BPTF: variants seen among roughly 807,000 people sequenced by gnomAD.
BPTF encodes bromodomain PHD finger transcription factor.
Under a neutral mutation model 292.5 loss-of-function variants are expected in BPTF, and 18 were observed. The observed-to-expected ratio is 0.06, with a 90% CI of 0.04 to 0.09. The LOEUF (loss-of-function observed/expected upper bound fraction) is 0.09, where lower values mean the gene tolerates loss of function less well. Ranked by LOEUF, BPTF falls within the 10% of genes least tolerant of loss-of-function variation. The pLI is 1.00. For missense variants in BPTF, 2,726 were observed against 3,498.7 expected (o/e 0.78, Z 5.57); for synonymous variants, 1,225 against 1,251.9 (o/e 0.98, Z 0.45).
chr17:67,898,426 A>G (rs6504550), intron 7 of BPTF, among the ~76,000 whole-genome samples: 60,259 of 152,044 alleles, frequency 0.4, 13,938 homozygotes, highest in East Asian at 0.71. Context: ...AAGGTATTTT[A>G]TCTAAGTTCA....
At position 67,926,573 on chromosome 17, in the gene BPTF, C is replaced by T. The variant is rs1418502276; in HGVS notation, c.5752-1782C>T. ...TCTCCTGACCTCGTGATCCGCCTGCCTTGGCCTCCCAAAGTGCTGGGATTA... is the reference window on the plus strand; with the variant it reads ...TCTCCTGACCTCGTGATCCGCCTGCTTTGGCCTCCCAAAGTGCTGGGATTA... On this transcript the variant is annotated intron_variant, in intron 15 of 27. Coordinates refer to ENST00000306378, the MANE Select transcript of BPTF (RefSeq NM_182641.4). Among the ~76,000 whole-genome samples, 19 of 152,180 alleles carry T rather than the reference C, an allele frequency of 1.2e-4. No homozygotes were observed. The South Asian group carries it at 3.7e-3, about 30-fold the overall frequency.
chr17:67,846,431 A>G (rs928295518), intron 1 of BPTF, among the ~76,000 whole-genome samples: 3 of 152,196 alleles, frequency 2.0e-5, no homozygotes, highest in Non-Finnish European at 4.4e-5. Context: ...ACTTTTTGTG[A>G]TGATGGAAAT....
chr17:67,829,378 G>A (rs1481275014), intron 1 of BPTF, among the ~76,000 whole-genome samples: 1 of 151,150 alleles, frequency 6.6e-6, no homozygotes, highest in Non-Finnish European at 1.5e-5. Context: ...CGGGATACAT[G>A]TGCAGAACGT....
At chr17:67,963,294 T>C in intron 24 of BPTF, 2 of 1,494,418 alleles carry the variant, frequency 1.3e-6, no homozygotes, top group Non-Finnish European at 1.8e-6. Context: ...CAGCTCAAAA[T>C]GACAATTACA....
Position 67,911,772 on chromosome 17 carries a change from G to A in BPTF, c.3888G>A (p.Val1296=), listed in dbSNP as rs190033450. The A allele has an allele frequency of 1.3e-5, 21 of 1,614,196 alleles. No individual in the cohort carries two copies. In the East Asian group the frequency reaches 4.7e-4, roughly 36 times the overall value. The change falls in exon 11 of 28, where the codon GTG becomes GTA. Residue 1296 remains valine, a synonymous_variant. Coordinates refer to ENST00000306378, the MANE Select transcript of BPTF (RefSeq NM_182641.4). ...CTTTGGAAAATAGTTCTGATACCGT[G>A]TCTATTCAGGATAGCAGTGAAGAAG... is the stretch of plus-strand genomic sequence containing the variant. ...NSTLENSSDT[V]SIQDSSEEDM...
intron 1 of BPTF, among the ~76,000 whole-genome samples, chr17:67,838,443 CATT>C (rs2057300499): frequency 6.6e-6 from 1 of 152,090 alleles, no homozygotes; most frequent in Non-Finnish European, 1.5e-5. Context: ...TGGTTCCTCT[CATT>C]AGTTAACCAT....
intron 20 of BPTF, 62 bp from the exon 21 acceptor site, chr17:67,945,347 C>G (rs2065725948): frequency 1.3e-6 from 2 of 1,543,964 alleles, no homozygotes; most frequent in African/African-American, 1.4e-5. Context: ...CCTTCAGATT[C>G]TTCTTTAACC....
chr17:67,964,496 T>C (rs1444805834), intron 25 of BPTF, 92 bp downstream of exon 25: 1 of 1,401,806 alleles, frequency 7.1e-7, no homozygotes, highest in South Asian at 1.4e-5. Flanking sequence ...AATCTTAGAA[T>C]GATTATTTAC....
intron 18 of BPTF, among the ~76,000 whole-genome samples, chr17:67,939,430 A>T (rs1377677952): frequency 6.6e-6 from 1 of 152,182 alleles, no homozygotes; most frequent in Non-Finnish European, 1.5e-5. Context: ...GCTACCAAAA[A>T]ATTATTCTTA....
Position 67,911,726 on chromosome 17 carries a change from G to GTGACTC in BPTF, c.3846_3851dup (p.Asp1282_Ser1283dup), listed in dbSNP as rs1343189951. 1 of 1,614,200 alleles carries GTGACTC rather than the reference G, an allele frequency of 6.2e-7. No individual in the cohort carries two copies. Among genetic ancestry groups the GTGACTC allele is most frequent in the Non-Finnish European group, 8.5e-7 (1 of 1,180,032 alleles). The stretch of plus-strand genomic sequence containing the variant: ...ATGGACTTTGAAGGAAAACTGGGAT[G>GTGACTC]TGACTCTGAATCTAATAGCACTTTG... On this transcript the variant is annotated inframe_insertion, in exon 11 of 28. Coordinates refer to ENST00000306378, the MANE Select transcript of BPTF (RefSeq NM_182641.4).
At chr17:67,975,223 A>C (rs1308080464) in intron 26 of BPTF, 1 of 152,344 alleles carries the variant, frequency 6.6e-6, no homozygotes, top group Non-Finnish European at 1.5e-5. Context: ...TAATATTCGT[A>C]TCAGCTGATA....
intron 3 of BPTF, among the ~76,000 whole-genome samples, chr17:67,870,743 C>T (rs1283875085): frequency 6.9e-6 from 1 of 144,466 alleles, no homozygotes; most frequent in Non-Finnish European, 1.6e-5. Flanking sequence ...TGATGTTAAC[C>T]TCTCAAAGAA....
intron 1 of BPTF, among the ~76,000 whole-genome samples, chr17:67,841,054 T>G (rs1324968634): frequency 2.0e-5 from 3 of 152,154 alleles, no homozygotes; most frequent in Admixed American, 6.6e-5. Context: ...CTTTTACACA[T>G]CTGGGGTTCG....
At chr17:67,859,137 T>C (rs1051442010) in intron 2 of BPTF, among the ~76,000 whole-genome samples, 1 of 152,132 alleles carries the variant, frequency 6.6e-6, no homozygotes, top group African/African-American at 2.4e-5. Flanking sequence ...TTAATTATTA[T>C]TTTATTTTTA....
chr17:67,827,125 A>G (rs1320156775), intron 1 of BPTF, among the ~76,000 whole-genome samples: 2 of 152,242 alleles, frequency 1.3e-5, no homozygotes, highest in Non-Finnish European at 2.9e-5. Context: ...GTCTTAACTC[A>G]TTTGATCGCT....
Position 67,959,683 on chromosome 17 carries a change from C to T in BPTF, c.8069C>T (p.Pro2690Leu). ...PPAPPPSPPP[P>L]PAVQHTGLLS... is the part of the protein sequence containing the mutation. Reference sequence around the variant, plus strand: ...GCCCCTCCACCTTCACCTCCCCCTCCACCTGCTGTGCAACACACAGGCCTT... The same window carrying T: ...GCCCCTCCACCTTCACCTCCCCCTCTACCTGCTGTGCAACACACAGGCCTT... The change falls in exon 24 of 28, where the codon CCA becomes CTA. Residue 2690 changes from proline to leucine, a missense_variant. Pro to Leu is a moderately conservative substitution (Grantham distance 98). Around this residue, in one of 22 missense-constraint regions of BPTF, gnomAD observed 148 missense variants for 145.5 expected, o/e 1.02. Transcript: ENST00000306378. 3 of 1,613,874 alleles carry T rather than the reference C, an allele frequency of 1.9e-6. No individual in the cohort carries two copies. Among genetic ancestry groups the T allele is most frequent in the Non-Finnish European group, 2.5e-6 (3 of 1,179,918 alleles).
intron 2 of BPTF, among the ~76,000 whole-genome samples, chr17:67,859,458 T>A (rs943091588): frequency 6.6e-6 from 1 of 152,248 alleles, no homozygotes; most frequent in African/African-American, 2.4e-5. Flanking sequence ...GCAGGCACTA[T>A]TTTTGTCTGC....
Position 67,959,648 on chromosome 17 carries a change from A to C in BPTF, c.8034A>C (p.Pro2678=). Residue 2678 remains proline (P), a synonymous_variant, in exon 24 of 28, where the codon CCA becomes CCC. Transcript: ENST00000306378. ...GCCCCCCAGTGACACCAGCTCCTCCAGCCCCTCCAGCCCCTCCACCTTCAC... is the reference window on the plus strand; with the variant it reads ...GCCCCCCAGTGACACCAGCTCCTCCCGCCCCTCCAGCCCCTCCACCTTCAC... ...APCPPVTPAP[P]APPAPPPSPP... is the part of the protein sequence containing the mutation. 5.0e-6 allele frequency: 8 copies of C among 1,598,400 alleles called. No individual in the cohort carries two copies. The highest frequency in any genetic ancestry group is 6.8e-6 in the Non-Finnish European group (8 of 1,173,042).
In BPTF at chr17:67,891,830, TATTC is replaced by T; in HGVS notation, c.1865-10_1865-7del. The T allele has an allele frequency of 6.4e-7, 1 of 1,559,066 alleles. No homozygotes were observed. The highest frequency in any genetic ancestry group is 8.7e-7 in the Non-Finnish European group (1 of 1,152,914). ...TATTGTCAGCAATTGCTTTGTGGCC[TATTC>T]ATTTGACAGTAGGTGATTTCAAATC... On this transcript the variant is annotated splice_polypyrimidine_tract_variant and intron_variant, in intron 4 of 27. Transcript: ENST00000306378.
Sources: allele counts gnomAD v4.1 joint callset (sites outside exome capture counted in the v4.1 genomes callset), GRCh38; gene constraint gnomAD v4.1.1; regional missense constraint gnomAD v4.1.1; transcripts MANE v1.5; gene names NCBI Gene and HGNC (gene_info 2026-07-23, HGNC 2026-07-21).